ADGRL2: variants seen among roughly 807,000 people sequenced by gnomAD.
ADGRL2 encodes the protein adhesion G protein-coupled receptor L2.
Under a neutral mutation model 157.4 loss-of-function variants are expected in ADGRL2, and 44 were observed. That is an observed-to-expected ratio of 0.28 (90% confidence interval 0.22 to 0.36). The LOEUF (loss-of-function observed/expected upper bound fraction) is 0.36, where lower values mean the gene tolerates loss of function less well. Ranked by LOEUF, ADGRL2 falls within the 10% of genes least tolerant of loss-of-function variation. ADGRL2 has a pLI of 1.00. For synonymous variants in ADGRL2, 585 were observed against 624.7 expected (o/e 0.94, Z 0.95); for missense variants, 1,510 against 1,768.9 (o/e 0.85, Z 2.63).
At chr1:81,412,152 G>A (rs894062874) in intron 1 of ADGRL2, among the ~76,000 whole-genome samples, 1 of 152,172 alleles carries the variant, frequency 6.6e-6, no homozygotes, top group Non-Finnish European at 1.5e-5. Context: ...GGAAACTGAT[G>A]CAGAGAAAAG....
intron 4 of ADGRL2, among the ~76,000 whole-genome samples, chr1:81,939,365 G>A (rs2095354494): frequency 6.6e-6 from 1 of 151,482 alleles, no homozygotes; most frequent in African/African-American, 2.4e-5. Context: ...GGAGGATAAA[G>A]CAGAGTAATC....
intron 1 of ADGRL2, among the ~76,000 whole-genome samples, chr1:81,335,742 G>T (rs1227357561): frequency 6.6e-6 from 1 of 151,618 alleles, no homozygotes; most frequent in Non-Finnish European, 1.5e-5. Context: ...CACTGATTTG[G>T]AGATTCATCC....
chr1:81,838,215 T>G (rs565492251), intron 2 of ADGRL2, among the ~76,000 whole-genome samples: 2 of 152,156 alleles, frequency 1.3e-5, no homozygotes, highest in Non-Finnish European at 2.9e-5. Context: ...CAAAGTTATA[T>G]TTTATCATGT....
In ADGRL2 at chr1:81,429,541, T is replaced by C. The variant is rs2077282087; in HGVS notation, c.-301-15495T>C. 2.6e-5 allele frequency among the ~76,000 whole-genome samples: 4 copies of C among 152,318 alleles called. No individual in the cohort carries two copies. In the South Asian group the frequency reaches 8.3e-4, roughly 32 times the overall value. On this transcript the variant is annotated intron_variant, in intron 1 of 24. Coordinates refer to the ADGRL2 transcript ENST00000370721. ...CCTGTCCTAAGAAACATGAGTCTCCTGATATTTCAAATTGGTTGCAGTAAA... is the reference window on the plus strand; with the variant it reads ...CCTGTCCTAAGAAACATGAGTCTCCCGATATTTCAAATTGGTTGCAGTAAA...
chr1:81,822,292 T>G (rs1032466866), intron 1 of ADGRL2, among the ~76,000 whole-genome samples: 1 of 151,886 alleles, frequency 6.6e-6, no homozygotes, highest in African/African-American at 2.4e-5. Context: ...GGAAACAATG[T>G]TTTCTCAAGT....
intron 1 of ADGRL2, among the ~76,000 whole-genome samples, chr1:81,332,688 C>T (rs1030885656): frequency 3.3e-5 from 5 of 152,150 alleles, no homozygotes; most frequent in Admixed American, 1.3e-4. Flanking sequence ...AAATGTACAA[C>T]GATAATACTT....
chr1:81,573,292 C>T (rs145418858), intron 2 of ADGRL2, among the ~76,000 whole-genome samples: 87 of 152,064 alleles, frequency 5.7e-4, no homozygotes, highest in Admixed American at 1.2e-3. Context: ...AGCCAAAAGA[C>T]GAGTAGATGA....
chr1:81,844,217 C>T (rs932401867), intron 2 of ADGRL2, among the ~76,000 whole-genome samples: 1 of 152,026 alleles, frequency 6.6e-6, no homozygotes, highest in East Asian at 1.9e-4. Flanking sequence ...GCATATTAGG[C>T]ATTTACACAG....
intron 1 of ADGRL2, among the ~76,000 whole-genome samples, chr1:81,832,231 T>A (rs1203580140): frequency 6.6e-6 from 1 of 152,154 alleles, no homozygotes; most frequent in Non-Finnish European, 1.5e-5. Context: ...AACCTCCACC[T>A]CTCGGGTTCA....
chr1:81,961,506 TTTC>T (rs1302268647), intron 11 of ADGRL2, among the ~76,000 whole-genome samples: 1 of 21,946 alleles, frequency 4.6e-5, no homozygotes, highest in Non-Finnish European at 8.2e-5. Context: ...TATAATTTTC[TTTC>T]TTTTTTTTTT....
At chr1:81,672,504 C>G (rs2082896407) in intron 3 of ADGRL2, among the ~76,000 whole-genome samples, 1 of 152,108 alleles carries the variant, frequency 6.6e-6, no homozygotes, top group Non-Finnish European at 1.5e-5. Context: ...ACTATTTTTT[C>G]TTGTATTGAG....
intron 1 of ADGRL2, among the ~76,000 whole-genome samples, chr1:81,733,656 C>A (rs969111768): frequency 1.3e-5 from 2 of 152,084 alleles, no homozygotes; most frequent in Non-Finnish European, 2.9e-5. Context: ...ATGTGGGGGA[C>A]GGGGCACAAT....
intron 2 of ADGRL2, among the ~76,000 whole-genome samples, chr1:81,773,599 A>G (rs147519202): frequency 1.3e-5 from 2 of 152,320 alleles, no homozygotes; most frequent in Non-Finnish European, 2.9e-5. Flanking sequence ...GGATTCCATT[A>G]GGAAGCCCTT....
At chr1:81,977,948 T>A (rs1322211143) in intron 17 of ADGRL2, among the ~76,000 whole-genome samples, 1 of 151,786 alleles carries the variant, frequency 6.6e-6, no homozygotes, top group Non-Finnish European at 1.5e-5. Flanking sequence ...AGCAGCCATC[T>A]TACCTATTAT....
chr1:81,831,337 T>C (rs975262003), intron 1 of ADGRL2, among the ~76,000 whole-genome samples: 1 of 152,160 alleles, frequency 6.6e-6, no homozygotes, highest in Non-Finnish European at 1.5e-5. Flanking sequence ...TAGTAAAAAT[T>C]AAGTTAATAT....
In ADGRL2 at chr1:81,943,195, T is replaced by C. The variant is rs765294200; in HGVS notation, c.636T>C (p.Asp212=). The C allele has an allele frequency of 1.2e-6, 2 of 1,613,060 alleles. No individual in the cohort carries two copies. The highest frequency in any genetic ancestry group is 2.7e-5 in the African/African-American group (2 of 74,854). The change falls in exon 6 of 24, where the codon GAT becomes GAC. Residue 212 remains aspartate, a synonymous_variant. Transcript: ENST00000686636. The surrounding 1 kb of genome is among the most constrained non-coding windows in gnomAD (Gnocchi z 5.6). ...TTTYKLPNRV[D]GTGFVVYDGA... is the part of the protein sequence containing the mutation. ...CATATAAACTTCCAAATCGAGTAGA[T>C]GGTACTGGATTTGTGGTGTATGATG...
chr1:81,805,241 G>A (rs892504449), intron 1 of ADGRL2, among the ~76,000 whole-genome samples: 2 of 152,138 alleles, frequency 1.3e-5, no homozygotes, highest in Non-Finnish European at 2.9e-5. Context: ...ACAAGTGCTT[G>A]GGTCATTTGG....
At chr1:81,601,302 G>T (rs936793463) in intron 3 of ADGRL2, among the ~76,000 whole-genome samples, 1 of 152,116 alleles carries the variant, frequency 6.6e-6, no homozygotes. Flanking sequence ...TGTTTGTGAT[G>T]TCAATAGTGT....
chr1:81,568,956 A>G (rs924014158), intron 2 of ADGRL2, among the ~76,000 whole-genome samples: 2 of 152,142 alleles, frequency 1.3e-5, no homozygotes, highest in Non-Finnish European at 2.9e-5. Flanking sequence ...CTTCTCAATT[A>G]CTTGCTTTGC....
Sources: gnomAD v4.1 joint callset for allele counts (sites outside exome capture counted in the v4.1 genomes callset) on GRCh38, gnomAD v4.1.1 for gene constraint, Gnocchi (gnomAD v3.1) non-coding constraint, MANE v1.5 for transcripts, NCBI Gene and HGNC (gene_info 2026-07-23, HGNC 2026-07-21) for gene names.